CHD1L: variants seen among roughly 807,000 people sequenced by gnomAD.
The protein encoded by CHD1L is ATP-dependent chromatin remodeler CHD1L.
Under a neutral mutation model 115.9 loss-of-function variants are expected in CHD1L, and 118 were observed. The observed-to-expected ratio is 1.02, with a 90% CI of 0.88 to 1.19. CHD1L has a LOEUF of 1.19. CHD1L is among the 50% of genes most tolerant of loss of function. The probability of loss-of-function intolerance (pLI) is 0.00; values close to 1 mark genes in which losing one functional copy is unlikely to be tolerated. For synonymous variants in CHD1L, 411 were observed against 387.1 expected (o/e 1.06, Z -0.72); for missense variants, 1,179 against 1,065.3 (o/e 1.11, Z -1.49).
chr1:147,217,109 G>A, the CHD1L span, among the ~76,000 whole-genome samples: 9 of 151,820 alleles, frequency 5.9e-5, no homozygotes, highest in South Asian at 2.1e-4. Flanking sequence ...GCGTGGTGGC[G>A]CATGCCTGTA....
chr1:147,214,470 A>AC, the CHD1L span, among the ~76,000 whole-genome samples: 1 of 149,930 alleles, frequency 6.7e-6, no homozygotes, highest in African/African-American at 2.5e-5. Context: ...AAAAAACAAA[A>AC]AAAAAAAGAG....
At chr1:147,213,971 G>T in the CHD1L span, among the ~76,000 whole-genome samples, 1 of 152,010 alleles carries the variant, frequency 6.6e-6, no homozygotes, top group Non-Finnish European at 1.5e-5. Flanking sequence ...TTATATAAAT[G>T]AATCTCCCTT....
intron 9 of CHD1L, 109 bp from the exon 10 acceptor site, chr1:147,268,673 C>A: frequency 1.3e-6 from 1 of 769,476 alleles, no homozygotes; most frequent in South Asian, 1.6e-5. Context: ...GATCATCATG[C>A]AAACAACTAC....
At chr1:147,269,092 C>T (rs1194716726) in intron 10 of CHD1L, among the ~76,000 whole-genome samples, 1 of 152,276 alleles carries the variant, frequency 6.6e-6, no homozygotes, top group South Asian at 2.1e-4. Context: ...TTGTACAGCA[C>T]TTATAATCCT....
At chr1:147,277,817 G>T (rs587765896) in intron 14 of CHD1L, among the ~76,000 whole-genome samples, 1 of 152,312 alleles carries the variant, frequency 6.6e-6, no homozygotes, top group East Asian at 1.9e-4. Context: ...TGGGCATAGT[G>T]AAGGGGTAAA....
chr1:147,245,418 G>T (rs1207074926), intron 1 of CHD1L, among the ~76,000 whole-genome samples: 1 of 152,190 alleles, frequency 6.6e-6, no homozygotes, highest in Non-Finnish European at 1.5e-5. Context: ...TGACAGTACC[G>T]TGGCCTCCTG....
upstream of CHD1L, among the ~76,000 whole-genome samples, chr1:147,240,773 T>C (rs1553930587): frequency 1.3e-5 from 2 of 152,168 alleles, no homozygotes. Context: ...CTTTTTTCTT[T>C]ACCTTGTTTA....
At chr1:147,195,992 C>T in the CHD1L span, among the ~76,000 whole-genome samples, 6 of 152,132 alleles carry the variant, frequency 3.9e-5, no homozygotes, top group Non-Finnish European at 8.8e-5. Flanking sequence ...ACCACTGGAC[C>T]AAGCTCTGCT....
At chr1:147,233,229 C>A in the CHD1L span, among the ~76,000 whole-genome samples, 1 of 151,472 alleles carries the variant, frequency 6.6e-6, no homozygotes, top group East Asian at 2.0e-4. Flanking sequence ...CTGGCAACTG[C>A]CCCATCTGAG....
intron 6 of CHD1L, 86 bp downstream of exon 6, chr1:147,260,004 C>G: frequency 9.7e-7 from 1 of 1,025,822 alleles, no homozygotes; most frequent in Non-Finnish European, 1.4e-6. Context: ...AGATTCACAA[C>G]AAAATTGAAC....
the CHD1L span, chr1:147,225,323 C>A: frequency 2.2e-6 from 1 of 448,994 alleles, no homozygotes; most frequent in Non-Finnish European, 3.7e-6. Flanking sequence ...CCTTCAGCTG[C>A]GATCTGGAGG....
At chr1:147,288,827 G>T (rs1384164021) in intron 19 of CHD1L, among the ~76,000 whole-genome samples, 3 of 152,190 alleles carry the variant, frequency 2.0e-5, no homozygotes, top group Non-Finnish European at 4.4e-5. Flanking sequence ...AAGCTGTTGG[G>T]TGCCAGGGGA....
intron 1 of CHD1L, among the ~76,000 whole-genome samples, chr1:147,244,950 A>G (rs1434559422): frequency 6.6e-6 from 1 of 152,096 alleles, no homozygotes; most frequent in Non-Finnish European, 1.5e-5. Context: ...CAACACTGGT[A>G]TTTTCTAATT....
At chr1:147,294,564 A>G (rs587602639) in intron 22 of CHD1L, 47 bp downstream of exon 22, 142 of 1,454,730 alleles carry the variant, frequency 9.8e-5, no homozygotes, top group African/African-American at 9.1e-4. Flanking sequence ...CCCAAGAGGG[A>G]AAATGTGTTC....
the CHD1L span, chr1:147,212,279 G>T: frequency 1.9e-6 from 2 of 1,058,678 alleles, no homozygotes; most frequent in Non-Finnish European, 2.8e-6. Flanking sequence ...TTTGCCACTG[G>T]CACTGAAGGG....
the CHD1L span, chr1:147,225,883 G>GC: frequency 2.6e-5 from 4 of 152,188 alleles, no homozygotes; most frequent in African/African-American, 9.7e-5. Flanking sequence ...GAAATTTTTG[G>GC]CCTTTTTAAA....
the CHD1L span, chr1:147,179,639 A>G: frequency 1.8e-5 from 25 of 1,415,534 alleles, no homozygotes; most frequent in Non-Finnish European, 2.5e-5. Context: ...GCAGTAGGCA[A>G]ACACCACTTT....
At chr1:147,270,300 A>C (rs11579626) in intron 10 of CHD1L, among the ~76,000 whole-genome samples, 12,373 of 152,284 alleles carry the variant, frequency 0.081, 638 homozygotes, top group East Asian at 0.16. Context: ...GACTTACTCC[A>C]TCATTTTGCC....
At chr1:147,264,692 C>T in intron 7 of CHD1L, 108 bp downstream of exon 7, 3 of 1,163,026 alleles carry the variant, frequency 2.6e-6, no homozygotes, top group East Asian at 4.8e-5. Flanking sequence ...CCAGAGGACA[C>T]CTTCCAGGGA....
Sources: allele counts gnomAD v4.1 joint callset (sites outside exome capture counted in the v4.1 genomes callset), GRCh38; gene constraint gnomAD v4.1.1; transcripts MANE v1.5; gene names NCBI Gene and HGNC (gene_info 2026-07-23, HGNC 2026-07-21).